Variants in CCDC57 observed in about 807,000 individuals in gnomAD.
CCDC57 encodes coiled-coil domain-containing protein 57.
In CCDC57, 118 loss-of-function variants were observed where a neutral mutation model predicts 118.9. The observed-to-expected ratio is 0.99, with a 90% confidence interval of 0.86 to 1.16. The LOEUF (loss-of-function observed/expected upper bound fraction) is 1.16, where lower values mean the gene tolerates loss of function less well. Ranked by LOEUF, CCDC57 falls within the 50% of genes most tolerant of loss-of-function variation. CCDC57 has a pLI of 0.00. For missense variants in CCDC57, 1,300 were observed against 1,320.7 expected (o/e 0.98, Z 0.24); for synonymous variants, 527 against 532.9 (o/e 0.99, Z 0.15).
chr17:82,186,072 T>C (rs1599282216), intron 8 of CCDC57, among the ~76,000 whole-genome samples: 1 of 151,970 alleles, frequency 6.6e-6, no homozygotes, highest in Middle Eastern at 3.4e-3. Flanking sequence ...TGCCTCAGCC[T>C]CCCAAAGTGC....
chr17:82,101,568 C>T (rs761820003), exon 20 of CCDC57: 1 of 916,066 alleles, frequency 1.1e-6, no homozygotes, highest in South Asian at 1.8e-5. Context: ...CCTGCAGCTC[C>T]CTGCCTCCAC....
At chr17:82,202,419 G>C (rs1212616205) in intron 2 of CCDC57, among the ~76,000 whole-genome samples, 3 of 151,306 alleles carry the variant, frequency 2.0e-5, no homozygotes, top group Non-Finnish European at 4.4e-5. Flanking sequence ...ACACCAGCCT[G>C]GGTGACAGAG....
chr17:82,107,126 GC>G (rs909293809), intron 19 of CCDC57, among the ~76,000 whole-genome samples: 1 of 152,224 alleles, frequency 6.6e-6, no homozygotes, highest in African/African-American at 2.4e-5. Flanking sequence ...CTTATCAGCT[GC>G]CCGACCTGCT....
intron 18 of CCDC57, 149 bp downstream of exon 17, chr17:82,128,344 C>T (rs1173256011): frequency 1.6e-6 from 1 of 630,788 alleles, no homozygotes; most frequent in East Asian, 2.8e-5. Flanking sequence ...CTGCAGCTCA[C>T]CCTGCCATTG....
chr17:82,131,595 A>G (rs1466477142), intron 17 of CCDC57, among the ~76,000 whole-genome samples: 1 of 151,512 alleles, frequency 6.6e-6, no homozygotes, highest in African/African-American at 2.4e-5. Flanking sequence ...CAAACAAACA[A>G]ACAAAAATTA....
chr17:82,102,569 A>G (rs1237175924), intron 19 of CCDC57, among the ~76,000 whole-genome samples: 1 of 152,154 alleles, frequency 6.6e-6, no homozygotes, highest in African/African-American at 2.4e-5. Flanking sequence ...TTGGTAAAAC[A>G]ACAGCAAAAT....
At chr17:82,152,513 C>T (rs1162828983) in intron 15 of CCDC57, among the ~76,000 whole-genome samples, 1 of 152,250 alleles carries the variant, frequency 6.6e-6, no homozygotes, top group African/African-American at 2.4e-5. Flanking sequence ...GTTGTCCTCA[C>T]TCAGCCCAAC....
chr17:82,138,399 C>T (rs899621175), intron 16 of CCDC57, among the ~76,000 whole-genome samples: 1 of 151,974 alleles, frequency 6.6e-6, no homozygotes, highest in Admixed American at 6.5e-5. Context: ...CTACCTGCCT[C>T]AGCCTCCCAA....
At chr17:82,161,159 CA>C (rs1432232694) in intron 14 of CCDC57, among the ~76,000 whole-genome samples, 4 of 152,160 alleles carry the variant, frequency 2.6e-5, no homozygotes. Flanking sequence ...AGCGAGGCCC[CA>C]CTTCACTCCC....
intron 2 of CCDC57, chr17:82,207,787 G>C (rs2049848590): frequency 6.6e-6 from 1 of 152,258 alleles, no homozygotes; most frequent in African/African-American, 2.4e-5. Flanking sequence ...GCAGCAGGCG[G>C]GGTGGACCTG....
intron 19 of CCDC57, among the ~76,000 whole-genome samples, chr17:82,119,439 C>A (rs996364159): frequency 6.6e-6 from 1 of 151,816 alleles, no homozygotes; most frequent in African/African-American, 2.4e-5. Flanking sequence ...GGTGCCCCCC[C>A]ACCCCTGTGC....
intron 19 of CCDC57, among the ~76,000 whole-genome samples, chr17:82,117,983 C>T (rs2036146759): frequency 6.6e-6 from 1 of 152,196 alleles, no homozygotes; most frequent in Admixed American, 6.5e-5. Flanking sequence ...CTAAAAACGA[C>T]AGGCCGTCCA....
intron 14 of CCDC57, among the ~76,000 whole-genome samples, chr17:82,160,643 G>C (rs549274763): frequency 6.6e-6 from 1 of 152,158 alleles, no homozygotes; most frequent in African/African-American, 2.4e-5. Context: ...GGGAGGCAGA[G>C]GTGGGAAGAT....
At chr17:82,103,946 G>T (rs566391336) in intron 19 of CCDC57, among the ~76,000 whole-genome samples, 1 of 152,122 alleles carries the variant, frequency 6.6e-6, no homozygotes, top group Non-Finnish European at 1.5e-5. Context: ...CTTTTCCTGC[G>T]GAGCCCTCCT....
At chr17:82,171,935 C>T in intron 12 of CCDC57, 82 bp from the exon 12 acceptor site, 1 of 1,468,114 alleles carries the variant, frequency 6.8e-7, no homozygotes, top group Non-Finnish European at 9.3e-7. Context: ...GCTCAGGGAG[C>T]CGATGCCAGC....
chr17:82,127,970 C>G lies in CCDC57; in HGVS notation c.2683-62G>C. 5.7e-6 allele frequency: 9 copies of G among 1,579,468 alleles called. No homozygotes were observed. In the South Asian group the frequency reaches 9.3e-5, roughly 16 times the overall value. On this transcript the variant is annotated intron_variant, in intron 18 of 19. Coordinates refer to ENST00000665763, the Ensembl canonical transcript of CCDC57. Reference sequence around the variant, plus strand: ...CCAACCCAGAGGAAGCCACAGGACTCCCCCCAACCACTCCCCTCGGAGCAG... The same window carrying G: ...CCAACCCAGAGGAAGCCACAGGACTGCCCCCAACCACTCCCCTCGGAGCAG...
At position 82,182,285 on chromosome 17, in the gene CCDC57, A is replaced by C. The variant is rs889477720; in HGVS notation, c.1211+1489T>G. Among the ~76,000 whole-genome samples the C allele has an allele frequency of 7.9e-5, 12 of 151,978 alleles. 1 individual carries two copies. Among genetic ancestry groups the C allele is most frequent in the Non-Finnish European group, 1.8e-4 (12 of 67,980 alleles). On this transcript the variant is annotated intron_variant, in intron 9 of 19. Transcript: ENST00000665763. The stretch of plus-strand genomic sequence containing the variant: ...TCAGTCAATGGAAGTATTTAACAAA[A>C]AAAAAAAAGAATGCTGGAAGGAAGA...
chr17:82,150,233 C>T (rs71375078), intron 16 of CCDC57, among the ~76,000 whole-genome samples: 1,198 of 56,894 alleles, frequency 0.021, 1 homozygote, highest in East Asian at 0.18. Context: ...AGGCGCACAC[C>T]CAGAACCAGG....
intron 17 of CCDC57, among the ~76,000 whole-genome samples, chr17:82,132,325 C>G (rs1447148101): frequency 6.6e-6 from 1 of 152,040 alleles, no homozygotes; most frequent in Non-Finnish European, 1.5e-5. Context: ...AGCTGAACTT[C>G]TCAAGGCTGC....
Sources: allele counts gnomAD v4.1 joint callset (sites outside exome capture counted in the v4.1 genomes callset), GRCh38; gene constraint gnomAD v4.1.1; transcripts MANE v1.5; gene names NCBI Gene and HGNC (gene_info 2026-07-23, HGNC 2026-07-21).